The following GPR155 variants were observed in gnomAD, a reference collection of about 807,000 sequenced individuals.
GPR155 encodes lysosomal cholesterol signaling protein.
Under a neutral mutation model 93.1 loss-of-function variants are expected in GPR155, and 65 were observed. That is an observed-to-expected ratio of 0.70 (90% CI 0.57 to 0.86). The LOEUF (loss-of-function observed/expected upper bound fraction) is 0.86, where lower values mean the gene tolerates loss of function less well. Among genes scored for constraint, GPR155 ranks in the 40% least tolerant of loss-of-function variants. The pLI is 0.00. For synonymous variants in GPR155, 319 were observed against 360.1 expected, an observed-to-expected ratio of 0.89 and a Z score of 1.29; for missense variants, 838 against 1,034.8, an observed-to-expected ratio of 0.81 and a Z score of 2.61.
chr2:174,468,948 A>G lies in GPR155; in HGVS notation c.1146T>C (p.Val382=), dbSNP rs1687914990. Residue 382 remains valine (V), a synonymous_variant, in exon 5 of 16, where the codon GTT becomes GTC. Coordinates refer to ENST00000392552, the MANE Select transcript of GPR155 (RefSeq NM_152529.7). The part of the protein sequence containing the change: ...PKPLAYAIQN[V]SFDISIVSLI... Reference sequence around the variant, plus strand: ...GGCTGACAATACTTATATCAAAACTAACATTCTGGATGGCATATGCCAATG... The same window carrying G: ...GGCTGACAATACTTATATCAAAACTGACATTCTGGATGGCATATGCCAATG... 1 of 1,613,928 alleles carries G rather than the reference A, an allele frequency of 6.2e-7. No homozygotes were observed. Among genetic ancestry groups the G allele is most frequent in the South Asian group, 1.1e-5 (1 of 91,076 alleles).
rs574001789 is a variant in GPR155 at position 174,436,222 on chromosome 2, T to C, written c.2507A>G (p.Lys836Arg). ...AGCAGGAGGACTCTGTTCAGGACTC[T>C]TTTGAAGAAATCTGTAAAACAAGTA... ...DEYLFYRFLQ[K>R]SPEQSPPAIN... The change falls in exon 16 of 16, where the codon AAG becomes AGG. Residue 836 changes from lysine (K) to arginine (R), a missense_variant. Coordinates refer to ENST00000392552, the MANE Select transcript of GPR155 (RefSeq NM_152529.7). 198 of 1,614,004 alleles carry C rather than the reference T, an allele frequency of 1.2e-4. 3 individuals carry two copies. In the South Asian group the frequency reaches 1.8e-3, roughly 14 times the overall value.
In GPR155 at chr2:174,456,810, T is replaced by C. The variant is rs138126015; in HGVS notation, c.1772-2969A>G. 3.5e-3 allele frequency among the ~76,000 whole-genome samples: 531 copies of C among 152,288 alleles called. 3 individuals carry two copies. The highest frequency in any genetic ancestry group is 0.012 in the African/African-American group (511 of 41,562). The stretch of plus-strand genomic sequence containing the variant: ...AAAATATTGAGTGCAAGAAGACAAC[T>C]ACAGTATAAGATTTATATAAAAATG... On this transcript the variant is annotated intron_variant, in intron 10 of 15. Transcript: ENST00000392552.
intron 3 of GPR155, among the ~76,000 whole-genome samples, chr2:174,472,235 G>A (rs1296976590): frequency 2.6e-5 from 4 of 152,194 alleles, no homozygotes; most frequent in Middle Eastern, 3.4e-3. Flanking sequence ...GTGAAATCCC[G>A]TCTCTACTAA....
At position 174,431,582 on chromosome 2, in the gene GPR155, A is replaced by AT. The variant is rs1686647054; in HGVS notation, c.*4533dup. The stretch of plus-strand genomic sequence containing the variant: ...GCTAATGTTTTCTTTTTCATTAATT[A>AT]TTTCAACCTTTTATCATACCAATTG... On this transcript the variant is annotated 3_prime_UTR_variant, in exon 16 of 16. Transcript: ENST00000392552. The AT allele has an allele frequency of 6.6e-6, 1 of 152,202 alleles. No homozygotes were observed. The highest frequency in any genetic ancestry group is 1.5e-5 in the Non-Finnish European group (1 of 68,036). The allele number at this position is 152,202 out of a possible 1,614,324, so 9.4% of individuals were successfully genotyped here. A position where few individuals can be genotyped will look rare whatever the true frequency, so the allele number is the denominator to read the frequency against.
At chr2:174,467,130 C>A (rs1687860375) in intron 5 of GPR155, among the ~76,000 whole-genome samples, 1 of 151,940 alleles carries the variant, frequency 6.6e-6, no homozygotes, top group Non-Finnish European at 1.5e-5. Flanking sequence ...GCACTCTAGC[C>A]TGGGTGACAG....
At position 174,460,100 on chromosome 2, in the gene GPR155, A is replaced by G. The variant is rs749370826; in HGVS notation, c.1561-12T>C. On this transcript the variant is annotated splice_polypyrimidine_tract_variant and intron_variant, in intron 9 of 15. Coordinates refer to ENST00000392552, the MANE Select transcript of GPR155 (RefSeq NM_152529.7). ...GCTGTGGTGATCATCTGCCGACATGAAAAAAAGATATCAGGCCACTTTTCA... is the reference window on the plus strand; with the variant it reads ...GCTGTGGTGATCATCTGCCGACATGGAAAAAAGATATCAGGCCACTTTTCA... The G allele has an allele frequency of 1.3e-6, 2 of 1,598,534 alleles. No homozygotes were observed. Among genetic ancestry groups the G allele is most frequent in the Non-Finnish European group, 1.7e-6 (2 of 1,169,462 alleles).
Position 174,442,197 on chromosome 2 carries a change from CAA to C in GPR155, c.2110-16_2110-15del, listed in dbSNP as rs1686986199. On this transcript the variant is annotated splice_polypyrimidine_tract_variant and intron_variant, in intron 13 of 15. Coordinates refer to ENST00000392552, the MANE Select transcript of GPR155 (RefSeq NM_152529.7). ...GGAAATAAATCCCTAGGGAAGAAAACAAAGTTATTTTTTTCAGAATTCAACAA... is the reference window on the plus strand; with the variant it reads ...GGAAATAAATCCCTAGGGAAGAAAACAGTTATTTTTTTCAGAATTCAACAA... 8.0e-7 allele frequency: 1 copy of C among 1,251,562 alleles called. No individual in the cohort carries two copies. The highest frequency in any genetic ancestry group is 1.2e-6 in the Non-Finnish European group (1 of 854,486). 77.5% of individuals were successfully genotyped at this position (1,251,562 alleles called of 1,614,324 possible).
chr2:174,462,212 A>G (rs775168876), intron 7 of GPR155, among the ~76,000 whole-genome samples: 24 of 152,188 alleles, frequency 1.6e-4, no homozygotes, highest in Non-Finnish European at 2.8e-4. Flanking sequence ...TGCTGGGATT[A>G]CAGGCATGAG....
At chr2:174,464,373 T>C (rs568430124) in intron 7 of GPR155, among the ~76,000 whole-genome samples, 1 of 152,200 alleles carries the variant, frequency 6.6e-6, no homozygotes, top group Admixed American at 6.6e-5. Flanking sequence ...TAAATCAATT[T>C]TAAGGAAAAA....
rs184513384 is a variant in GPR155 at position 174,446,181 on chromosome 2, C to T, written c.2013+430G>A. On this transcript the variant is annotated intron_variant, in intron 12 of 15. Coordinates refer to ENST00000392552, the MANE Select transcript of GPR155 (RefSeq NM_152529.7). ...AATTAGCCAGGCATGGTGGCATGCG[C>T]CTGTAATCCCAACTACTCAGGAGAC... 3.2e-3 allele frequency among the ~76,000 whole-genome samples: 486 copies of T among 151,900 alleles called. 4 individuals are homozygous for T. Among genetic ancestry groups the T allele is most frequent in the African/African-American group, 0.011 (473 of 41,430 alleles).
chr2:174,433,053 G>A lies in GPR155; in HGVS notation c.*3063C>T, dbSNP rs796425298. ...GCTGGGATTGCAGGTATGAACCACC[G>A]CGCCTGGCCCCCATGCAGGTTTTTA... On this transcript the variant is annotated 3_prime_UTR_variant, in exon 16 of 16. Coordinates refer to ENST00000392552, the MANE Select transcript of GPR155 (RefSeq NM_152529.7). 7 of 151,264 alleles carry A rather than the reference G, an allele frequency of 4.6e-5. No individual in the cohort carries two copies. Among genetic ancestry groups the A allele is most frequent in the South Asian group, 2.1e-4 (1 of 4,792 alleles). The allele number at this position is 151,264 out of a possible 1,614,324, so 9.4% of individuals were successfully genotyped here.
intron 3 of GPR155, among the ~76,000 whole-genome samples, chr2:174,471,738 C>T (rs567086392): frequency 6.6e-6 from 1 of 152,114 alleles, no homozygotes; most frequent in East Asian, 1.9e-4. Context: ...AATTAAAAAA[C>T]TTAAATATCT....
intron 2 of GPR155, among the ~76,000 whole-genome samples, chr2:174,477,200 TTATA>T (rs954118935): frequency 6.6e-6 from 1 of 151,942 alleles, no homozygotes; most frequent in African/African-American, 2.4e-5. Flanking sequence ...CAAATATAAA[TTATA>T]TATATTTATA....
chr2:174,473,486 T>C (rs548250381), intron 2 of GPR155, 122 bp from the exon 3 acceptor site: 2 of 636,132 alleles, frequency 3.1e-6, no homozygotes, highest in Admixed American at 3.4e-5. Flanking sequence ...ATGACCCAAA[T>C]AGCCTATTTT....
chr2:174,442,872 A>G (rs1275898393), intron 13 of GPR155, among the ~76,000 whole-genome samples: 1 of 151,980 alleles, frequency 6.6e-6, no homozygotes, highest in Non-Finnish European at 1.5e-5. Context: ...TTACCATACC[A>G]CCTCCCCAAG....
rs1410793112 is a variant in GPR155, at chr2:174,481,558, T to C, written c.399A>G (p.Lys133=). The C allele has an allele frequency of 6.2e-7, 1 of 1,613,208 alleles. No homozygotes were observed. Among genetic ancestry groups the C allele is most frequent in the East Asian group, 2.2e-5 (1 of 44,880 alleles). ...LVASPDSRFS[K]AGLFPIFATQ... is the part of the protein sequence containing the mutation. ...TAGCAAAAATAGGGAATAGTCCAGC[T>C]TTGCTAAATCGACTATCAGGACTGG... Residue 133 remains lysine, a synonymous_variant, in exon 2 of 16, where the codon AAA becomes AAG. Coordinates refer to ENST00000392552, the MANE Select transcript of GPR155 (RefSeq NM_152529.7).
In GPR155 at chr2:174,446,629, G is replaced by GAGA; in HGVS notation, c.1992_1994dup (p.Leu665dup). 6.2e-7 allele frequency: 1 copy of GAGA among 1,613,528 alleles called. No homozygotes were observed. The highest frequency in any genetic ancestry group is 8.5e-7 in the Non-Finnish European group (1 of 1,179,844). On this transcript the variant is annotated inframe_insertion, in exon 12 of 16. Coordinates refer to ENST00000392552, the MANE Select transcript of GPR155 (RefSeq NM_152529.7). ...CCATTACAGCGAACAGGCCAATGAT[G>GAGA]AGAAGTAAACACAGCAACACATGTC... is the stretch of plus-strand genomic sequence containing the variant.
At position 174,468,934 on chromosome 2, in the gene GPR155, C is replaced by T. The variant is rs1687914241; in HGVS notation, c.1160G>A (p.Ser387Asn). 1 of 1,613,920 alleles carries T rather than the reference C, an allele frequency of 6.2e-7. No homozygotes were observed. Among genetic ancestry groups the T allele is most frequent in the Non-Finnish European group, 8.5e-7 (1 of 1,179,866 alleles). Residue 387 changes from serine to asparagine, a missense_variant, in exon 5 of 16, where the codon AGT becomes AAT. Ser to Asn is a conservative substitution (Grantham distance 46). Transcript: ENST00000392552. ...YAIQNVSFDI[S>N]IVSLISLIWS... ...TACCAAGGAGATCAGGCTGACAATACTTATATCAAAACTAACATTCTGGAT... is the reference window on the plus strand; with the variant it reads ...TACCAAGGAGATCAGGCTGACAATATTTATATCAAAACTAACATTCTGGAT...
Position 174,446,764 on chromosome 2 carries a change from A to G in GPR155, c.1877-17T>C. On this transcript the variant is annotated splice_polypyrimidine_tract_variant and intron_variant, in intron 11 of 15. Coordinates refer to ENST00000392552, the MANE Select transcript of GPR155 (RefSeq NM_152529.7). Reference sequence around the variant, plus strand: ...AATGATTGTCTATAAAAGAGTAAGCACAACAATTTGTAATCAGAGCTTTTT... The same window carrying G: ...AATGATTGTCTATAAAAGAGTAAGCGCAACAATTTGTAATCAGAGCTTTTT... The G allele has an allele frequency of 6.2e-7, 1 of 1,610,368 alleles. No homozygotes were observed. Among genetic ancestry groups the G allele is most frequent in the Non-Finnish European group, 8.5e-7 (1 of 1,178,598 alleles).
Sources: allele counts gnomAD v4.1 joint callset (sites outside exome capture counted in the v4.1 genomes callset), GRCh38; gene constraint gnomAD v4.1.1; transcripts MANE v1.5; gene names NCBI Gene and HGNC (gene_info 2026-07-23, HGNC 2026-07-21).